Variants in PRDM16 observed in about 807,000 individuals in gnomAD.
PRDM16 encodes PR/SET domain 16, also known as histone-lysine N-methyltransferase PRDM16.
PRDM16 carries 23 observed loss-of-function variants against 110.6 expected under a neutral mutation model. That is an observed-to-expected ratio of 0.21 (90% CI 0.15 to 0.29). The LOEUF is 0.29. PRDM16 is among the 10% of genes least tolerant of loss of function. The probability of loss-of-function intolerance (pLI) is 1.00; values close to 1 mark genes in which losing one functional copy is unlikely to be tolerated. For missense variants in PRDM16, 1,615 were observed against 1,794.3 expected (o/e 0.90, Z 1.81); for synonymous variants, 799 against 781.8 (o/e 1.02, Z -0.37).
intron 11 of PRDM16, among the ~76,000 whole-genome samples, 191 bp downstream of exon 11, chr1:3,418,188 C>T (rs991436288): frequency 1.3e-5 from 2 of 152,246 alleles, no homozygotes; most frequent in African/African-American, 4.8e-5. Context: ...CCCTGCCTCA[C>T]GCCATGCTGT....
At chr1:3,229,993 C>A (rs900913695) in intron 2 of PRDM16, among the ~76,000 whole-genome samples, 1 of 152,206 alleles carries the variant, frequency 6.6e-6, no homozygotes, top group African/African-American at 2.4e-5. Flanking sequence ...CCCTGGCGCC[C>A]GCGTTTAGTT....
chr1:3,411,523 G>C lies in PRDM16; in HGVS notation c.1326G>C (p.Arg442=), dbSNP rs766131529. Reference sequence around the variant, plus strand: ...CTACCTCCTCCCTCAACAAGCACCGGCGCTTCTGCGAGGGCAAGAACCATT... The same window carrying C: ...CTACCTCCTCCCTCAACAAGCACCGCCGCTTCTGCGAGGGCAAGAACCATT... ...FSTTSSLNKH[R]RFCEGKNHYT... is the part of the protein sequence containing the mutation. Residue 442 remains arginine (R), a synonymous_variant, in exon 9 of 17, where the codon CGG becomes CGC. Coordinates refer to ENST00000270722, the MANE Select transcript of PRDM16 (RefSeq NM_022114.4). The C allele has an allele frequency of 1.2e-6, 2 of 1,614,144 alleles. No individual in the cohort carries two copies. Among genetic ancestry groups the C allele is most frequent in the Admixed American group, 1.7e-5 (1 of 60,034 alleles).
In PRDM16 at chr1:3,144,819, A is replaced by G. The variant is rs939917724; in HGVS notation, c.38-41306A>G. ...CCCTGAGACCAGAAAGCAGAGATAC[A>G]CACATGTCTCAGTCACCTTGGGTCA... On this transcript the variant is annotated intron_variant, in intron 1 of 16. Coordinates refer to ENST00000270722, the MANE Select transcript of PRDM16 (RefSeq NM_022114.4). Among the ~76,000 whole-genome samples the G allele has an allele frequency of 2.6e-5, 4 of 152,136 alleles. No homozygotes were observed. In the East Asian group the frequency reaches 5.8e-4, roughly 22 times the overall value.
At chr1:3,299,183 G>A (rs1641154990) in intron 3 of PRDM16, among the ~76,000 whole-genome samples, 1 of 150,958 alleles carries the variant, frequency 6.6e-6, no homozygotes, top group African/African-American at 2.5e-5. Flanking sequence ...TGGCCATGAT[G>A]TTTCAGATCC....
At position 3,436,451 on chromosome 1, in the gene PRDM16, G is replaced by A. The variant is rs1398732730; in HGVS notation, c.*2640G>A. 1 of 231,450 alleles carries A rather than the reference G, an allele frequency of 4.3e-6. No homozygotes were observed. The highest frequency in any genetic ancestry group is 5.6e-5 in the Admixed American group (1 of 17,726). The allele number at this position is 231,450 out of a possible 1,614,324, so 14.3% of individuals were successfully genotyped here. A position where few individuals can be genotyped will look rare whatever the true frequency, so the allele number is the denominator to read the frequency against. ...TTAAGTCATATATTTTCGTCCCCCT[G>A]AAAATGATGGCAAGCCCAGTTTCTC... On this transcript the variant is annotated 3_prime_UTR_variant, in exon 17 of 17. Coordinates refer to ENST00000270722, the MANE Select transcript of PRDM16 (RefSeq NM_022114.4).
Position 3,265,802 on chromosome 1 carries a change from C to T in PRDM16, c.438+21665C>T, listed in dbSNP as rs1196686476. 1.3e-5 allele frequency among the ~76,000 whole-genome samples: 2 copies of T among 152,146 alleles called. No homozygotes were observed. The highest frequency in any genetic ancestry group is 4.8e-5 in the African/African-American group (2 of 41,416). On this transcript the variant is annotated intron_variant, in intron 3 of 16. Transcript: ENST00000270722. The surrounding 1 kb of genome is among the most constrained non-coding windows in gnomAD (Gnocchi z 4.5). ...CACGCTCTGTCCTCACCGCCCAGAC[C>T]CTAGGAGCCCCCAGACCCTGCCTCA...
At chr1:3,072,624 G>A (rs1641792844) in intron 1 of PRDM16, among the ~76,000 whole-genome samples, 1 of 152,132 alleles carries the variant, frequency 6.6e-6, no homozygotes, top group African/African-American at 2.4e-5. Flanking sequence ...GTAGAAACAG[G>A]CCAGGCTGGC....
chr1:3,171,660 C>T (rs557520422), intron 1 of PRDM16, among the ~76,000 whole-genome samples: 76 of 152,308 alleles, frequency 5.0e-4, no homozygotes, highest in African/African-American at 1.8e-3. Context: ...CTGCCCTCCT[C>T]GGGCTGGCAA....
At position 3,425,357 on chromosome 1, in the gene PRDM16, C is replaced by T. The variant is rs1256260109; in HGVS notation, c.2940-224C>T. 13 of 509,470 alleles carry T rather than the reference C, an allele frequency of 2.6e-5. No homozygotes were observed. Among genetic ancestry groups the T allele is most frequent in the African/African-American group, 1.3e-4 (7 of 51,880 alleles). The allele number at this position is 509,470 out of a possible 1,614,324, so 31.6% of individuals were successfully genotyped here. A position where few individuals can be genotyped will look rare whatever the true frequency, so the allele number is the denominator to read the frequency against. On this transcript the variant is annotated intron_variant, in intron 12 of 16. Transcript: ENST00000270722. The surrounding 1 kb of genome is among the most constrained non-coding windows in gnomAD (Gnocchi z 6.9). ...CCTCCCAAAGTGCTGTGATTATAGGCGTGAACCCCTGCTTCTTGAAGCCGG... is the reference window on the plus strand; with the variant it reads ...CCTCCCAAAGTGCTGTGATTATAGGTGTGAACCCCTGCTTCTTGAAGCCGG...
At chr1:3,402,158 G>A (rs1488264501) in intron 5 of PRDM16, among the ~76,000 whole-genome samples, 4 of 152,156 alleles carry the variant, frequency 2.6e-5, no homozygotes, top group African/African-American at 4.8e-5. Context: ...CAGTGCCAGC[G>A]TTCTTTCCAG....
intron 1 of PRDM16, among the ~76,000 whole-genome samples, chr1:3,134,990 C>T (rs1313007248): frequency 6.6e-6 from 1 of 152,214 alleles, no homozygotes; most frequent in Admixed American, 6.5e-5. Context: ...CACCCGCAGG[C>T]TGGGCCTGGG....
At chr1:3,228,430 G>A (rs796737778) in intron 2 of PRDM16, among the ~76,000 whole-genome samples, 97 of 152,340 alleles carry the variant, frequency 6.4e-4, no homozygotes, top group African/African-American at 2.1e-3. Context: ...CAGAAATGGA[G>A]GTCAAGAGAA....
intron 1 of PRDM16, among the ~76,000 whole-genome samples, chr1:3,102,035 T>G (rs1642544855): frequency 6.6e-6 from 1 of 152,142 alleles, no homozygotes; most frequent in South Asian, 2.1e-4. Flanking sequence ...CCCAACCTTG[T>G]GTGGGGTCCT....
intron 2 of PRDM16, among the ~76,000 whole-genome samples, chr1:3,200,339 T>TA (rs1218964584): frequency 6.6e-6 from 1 of 152,076 alleles, no homozygotes; most frequent in African/African-American, 2.4e-5. Context: ...AAGGTGGATT[T>TA]TTTTTTTATT....
chr1:3,099,134 A>G (rs1469720039), intron 1 of PRDM16, among the ~76,000 whole-genome samples: 1 of 152,178 alleles, frequency 6.6e-6, no homozygotes, highest in Non-Finnish European at 1.5e-5. Flanking sequence ...GGGTTCTCAA[A>G]TGGGCTTCCT....
intron 1 of PRDM16, among the ~76,000 whole-genome samples, chr1:3,165,673 TGACTCACCTGGGCCCAGGGACAGG>T (rs1643946169): frequency 9.1e-5 from 2 of 21,898 alleles, no homozygotes; most frequent in African/African-American, 3.2e-4. Flanking sequence ...TCAGGGACAG[TGACTCACCTGGGCCCAGGGACAGG>T]GACTCACCTG....
chr1:3,411,503 T>C lies in PRDM16; in HGVS notation c.1306T>C (p.Ser436Pro). 1 of 1,613,982 alleles carries C rather than the reference T, an allele frequency of 6.2e-7. No homozygotes were observed. Among genetic ancestry groups the C allele is most frequent in the Non-Finnish European group, 8.5e-7 (1 of 1,180,002 alleles). ...CTGTGGCCAGATGTTCAGCACTACC[T>C]CCTCCCTCAACAAGCACCGGCGCTT... ...KDCGQMFSTT[S>P]SLNKHRRFCE... The change falls in exon 9 of 17, where the codon TCC (serine) becomes CCC (proline). Residue 436 changes from serine (S) to proline (P), a missense_variant. Ser to Pro is a moderately conservative substitution (Grantham distance 74, BLOSUM62 -1). Coordinates refer to ENST00000270722, the MANE Select transcript of PRDM16 (RefSeq NM_022114.4).
chr1:3,323,299 C>T (rs905588651), intron 3 of PRDM16, among the ~76,000 whole-genome samples: 2 of 152,218 alleles, frequency 1.3e-5, no homozygotes, highest in Non-Finnish European at 2.9e-5. Context: ...GAGAGTCCGA[C>T]CTCCTGGGCT....
rs555887406 is a variant in PRDM16, at chr1:3,299,243, T to A, written c.438+55106T>A. 3.3e-5 allele frequency among the ~76,000 whole-genome samples: 5 copies of A among 151,360 alleles called. No individual in the cohort carries two copies. The South Asian group carries it at 1.0e-3, about 32-fold the overall frequency. On this transcript the variant is annotated intron_variant, in intron 3 of 16. Transcript: ENST00000270722. ...TGAAGATGCCGTGCTGTGGCCGTGA[T>A]GTTTCAGATCCCAGTCGTGGTGGCT... is the stretch of plus-strand genomic sequence containing the variant.
Sources: allele counts gnomAD v4.1 joint callset (sites outside exome capture counted in the v4.1 genomes callset), GRCh38; gene constraint gnomAD v4.1.1; non-coding constraint Gnocchi (gnomAD v3.1); transcripts MANE v1.5; gene names NCBI Gene and HGNC (gene_info 2026-07-23, HGNC 2026-07-21).